TTC23L: variants seen among roughly 807,000 people sequenced by gnomAD.
The protein encoded by TTC23L is tetratricopeptide repeat protein 23-like.
Under a neutral mutation model 48.1 loss-of-function variants are expected in TTC23L, and 42 were observed. The ratio of observed to expected loss-of-function variants is 0.87; its 90% CI spans 0.68 to 1.13. TTC23L has a LOEUF of 1.13. TTC23L is among the 50% of genes most tolerant of loss of function. The pLI, the probability that TTC23L is intolerant of heterozygous loss-of-function variation, is 0.00. For missense variants in TTC23L, 391 were observed against 421.0 expected (o/e 0.93, Z 0.62); for synonymous variants, 159 against 157.2 (o/e 1.01, Z -0.09).
intron 9 of TTC23L, among the ~76,000 whole-genome samples, chr5:34,891,210 C>T (rs145770789): frequency 1.2e-3 from 186 of 152,140 alleles, no homozygotes; most frequent in African/African-American, 4.3e-3. Flanking sequence ...TTTGTATCAC[C>T]GTATTATTGT....
Position 34,843,059 on chromosome 5 carries a change from C to T in TTC23L, c.68+2320C>T, listed in dbSNP as rs142249834. ...CTGACCGCAAGTGATCCATGCACCT[C>T]GGCCTTCCAGAGTGCTGGGATTAGA... On this transcript the variant is annotated intron_variant, in intron 2 of 10. Coordinates refer to ENST00000505624, the Ensembl canonical transcript of TTC23L. Among the ~76,000 whole-genome samples, 1,441 of 152,290 alleles carry T rather than the reference C, an allele frequency of 9.5e-3. 19 individuals carry two copies. Among genetic ancestry groups the T allele is most frequent in the Middle Eastern group, 0.024 (7 of 294 alleles).
the TTC23L span, chr5:34,922,790 T>C: frequency 6.2e-7 from 1 of 1,601,272 alleles, no homozygotes; most frequent in Non-Finnish European, 8.6e-7. Context: ...ATTCAGTGTA[T>C]GAGGTCTAAT....
rs561818266 is a variant in TTC23L, at chr5:34,877,851, G to C, written c.950-2330G>C. Among the ~76,000 whole-genome samples, 9 of 152,232 alleles carry C rather than the reference G, an allele frequency of 5.9e-5. No individual in the cohort carries two copies. In the East Asian group the frequency reaches 1.7e-3, roughly 29 times the overall value. ...AGCTAATGGAATAAGAGAAGAAAAG[G>C]AAATAAAAACTATACTATAATATTT... On this transcript the variant is annotated intron_variant, in intron 8 of 10. Coordinates refer to ENST00000505624, the Ensembl canonical transcript of TTC23L.
intron 8 of TTC23L, among the ~76,000 whole-genome samples, chr5:34,875,453 G>A (rs759050526): frequency 6.6e-6 from 1 of 152,150 alleles, no homozygotes; most frequent in Non-Finnish European, 1.5e-5. Context: ...GGGGTAGGAA[G>A]CATCCAGCAC....
intron 3 of TTC23L, among the ~76,000 whole-genome samples, chr5:34,849,733 G>T (rs1242047220): frequency 6.6e-6 from 1 of 152,192 alleles, no homozygotes; most frequent in African/African-American, 2.4e-5. Flanking sequence ...TTAAGGTGAG[G>T]ATGGGTGGAT....
intron 10 of TTC23L, 80 bp downstream of exon 10, chr5:34,896,955 C>G: frequency 1.7e-6 from 1 of 574,860 alleles, no homozygotes; most frequent in Admixed American, 2.7e-5. Flanking sequence ...GGGATGTGTG[C>G]CAGTTCTCTG....
At chr5:34,904,749 G>A in the TTC23L span, among the ~76,000 whole-genome samples, 4 of 152,228 alleles carry the variant, frequency 2.6e-5, no homozygotes, top group East Asian at 3.9e-4. Context: ...GTCAGCCACG[G>A]CAACCAAAAT....
the TTC23L span, chr5:34,915,537 T>TC: frequency 1.7e-6 from 1 of 573,472 alleles, no homozygotes; most frequent in Non-Finnish European, 2.9e-6. Context: ...AGACCGGCCC[T>TC]CCACCTCGGC....
At chr5:34,890,179 T>A (rs1215837992) in intron 9 of TTC23L, among the ~76,000 whole-genome samples, 1 of 151,788 alleles carries the variant, frequency 6.6e-6, no homozygotes, top group African/African-American at 2.4e-5. Flanking sequence ...GCATGATGGC[T>A]CACACCTGTA....
intron 3 of TTC23L, 130 bp from the exon 4 acceptor site, chr5:34,850,055 C>A: frequency 9.3e-7 from 1 of 1,079,024 alleles, no homozygotes; most frequent in Non-Finnish European, 1.3e-6. Context: ...ATGGATTAGA[C>A]ACAGGATGAG....
intron 4 of TTC23L, among the ~76,000 whole-genome samples, chr5:34,852,883 G>T (rs1310658035): frequency 1.3e-5 from 2 of 152,126 alleles, no homozygotes; most frequent in Non-Finnish European, 2.9e-5. Flanking sequence ...AGGAGCAAAG[G>T]CACATCTAAC....
intron 4 of TTC23L, among the ~76,000 whole-genome samples, chr5:34,859,840 C>CTTTTTTTTTTTTTT (rs10590697): frequency 2.1e-5 from 2 of 95,362 alleles, no homozygotes; most frequent in Non-Finnish European, 4.2e-5. Flanking sequence ...TTTTCTTCTT[C>CTTTTTTTTTTTTTT]TTTTTTTTTT....
the TTC23L span, chr5:34,908,689 G>T: frequency 2.4e-4 from 309 of 1,303,652 alleles, no homozygotes; most frequent in African/African-American, 4.1e-3. Context: ...AATATGAAAT[G>T]ACAAAGAGTA....
At position 34,853,485 on chromosome 5, in the gene TTC23L, G is replaced by T. The variant is rs930359440; in HGVS notation, c.379+3177G>T. ...GTGGAGGTGGCAGTGAGCTGAGATC[G>T]CACCACTGCACTCCAGCCTGGGCGA... On this transcript the variant is annotated intron_variant, in intron 4 of 10. Transcript: ENST00000505624. Among the ~76,000 whole-genome samples the T allele has an allele frequency of 1.2e-4, 18 of 152,190 alleles. No homozygotes were observed. In the South Asian group the frequency reaches 3.5e-3, roughly 30 times the overall value.
At chr5:34,859,003 C>T (rs376850107) in intron 4 of TTC23L, among the ~76,000 whole-genome samples, 1 of 152,308 alleles carries the variant, frequency 6.6e-6, no homozygotes, top group East Asian at 1.9e-4. Context: ...GCACAACCAG[C>T]ATGGGATATT....
intron 8 of TTC23L, among the ~76,000 whole-genome samples, chr5:34,872,106 C>T (rs1761506786): frequency 6.7e-6 from 1 of 149,406 alleles, no homozygotes; most frequent in Admixed American, 6.7e-5. Context: ...AGTGAGACCC[C>T]ATCTCTACCA....
the TTC23L span, chr5:34,915,867 G>C: frequency 1.3e-6 from 2 of 1,562,306 alleles, no homozygotes; most frequent in Non-Finnish European, 1.7e-6. Flanking sequence ...AGGAAGAAGA[G>C]AGGGACCGGA....
At chr5:34,846,663 GTGTA>G (rs1271903433) in intron 3 of TTC23L, among the ~76,000 whole-genome samples, 947 of 74,136 alleles carry the variant, frequency 0.013, 12 homozygotes, top group African/African-American at 0.034. Flanking sequence ...ACATATATGT[GTGTA>G]TGTGTGTGTG....
the TTC23L span, among the ~76,000 whole-genome samples, chr5:34,912,037 C>A: frequency 1.3e-5 from 2 of 152,164 alleles, no homozygotes; most frequent in Non-Finnish European, 2.9e-5. Flanking sequence ...TAACATAATT[C>A]TTTGGAATCA....
Sources: gnomAD v4.1 joint callset for allele counts (sites outside exome capture counted in the v4.1 genomes callset) on GRCh38, gnomAD v4.1.1 for gene constraint, MANE v1.5 for transcripts, NCBI Gene and HGNC (gene_info 2026-07-23, HGNC 2026-07-21) for gene names.